Variants in FBXO46 observed in about 807,000 individuals in gnomAD.
FBXO46 encodes the protein F-box only protein 46.
FBXO46 carries 13 observed loss-of-function variants against 30.7 expected under a neutral mutation model. That is an observed-to-expected ratio of 0.42 (90% CI 0.28 to 0.67). FBXO46 has a LOEUF of 0.67. Ranked by LOEUF, FBXO46 falls within the 30% of genes least tolerant of loss-of-function variation. FBXO46 has a pLI of 0.21. For missense variants in FBXO46, 754 were observed against 871.5 expected (o/e 0.87, Z 1.70); for synonymous variants, 467 against 385.8 (o/e 1.21, Z -2.47).
intron 1 of FBXO46, among the ~76,000 whole-genome samples, chr19:45,725,643 A>C (rs1968229194): frequency 6.6e-6 from 1 of 152,040 alleles, no homozygotes; most frequent in African/African-American, 2.4e-5. Context: ...CTGAGGTGGG[A>C]GGATGGCTTG....
At position 45,711,578 on chromosome 19, in the gene FBXO46, C is replaced by T. The variant is rs1318152362; in HGVS notation, c.*106G>A. ...GCTCAGTTCCGGTGAGGGATCAATG[C>T]TGCCTGGAGTAGGGGAATGGGCAGG... is the stretch of plus-strand genomic sequence containing the variant. On this transcript the variant is annotated 3_prime_UTR_variant, in exon 2 of 2. Coordinates refer to ENST00000317683, the MANE Select transcript of FBXO46 (RefSeq NM_001080469.2). 1.1e-6 allele frequency: 1 copy of T among 884,904 alleles called. No individual in the cohort carries two copies. The allele number at this position is 884,904 out of a possible 1,614,324, so 54.8% of individuals were successfully genotyped here.
Position 45,712,648 on chromosome 19 carries a change from C to G in FBXO46, c.848G>C (p.Gly283Ala). Reference protein sequence around the residue: ...APDSGLPSGGGGRPGCAYPGS... With the variant: ...APDSGLPSGGAGRPGCAYPGS... ...AGGGTAGGCACAACCAGGCCTGCCC[C>G]CGCCCCCACTGGGCAGGCCGCTGTC... The change falls in exon 2 of 2, where the codon GGG (glycine) becomes GCG (alanine). Residue 283 changes from glycine (G) to alanine (A), a missense_variant. This residue lies in a region of FBXO46 where 454 missense variants were observed against 426.5 expected (regional missense o/e 1.06). Transcript: ENST00000317683. The surrounding 1 kb of genome is among the most constrained non-coding windows in gnomAD (Gnocchi z 8.8). 1 of 1,609,404 alleles carries G rather than the reference C, an allele frequency of 6.2e-7. No homozygotes were observed. Among genetic ancestry groups the G allele is most frequent in the Non-Finnish European group, 8.5e-7 (1 of 1,177,710 alleles).
At chr19:45,731,419 C>T (rs541185990), upstream of FBXO46, among the ~76,000 whole-genome samples, 1 of 151,338 alleles carries the variant, frequency 6.6e-6, no homozygotes, top group Non-Finnish European at 1.5e-5. Context: ...TGGGTTCAAG[C>T]GATTCTCCTG....
intron 1 of FBXO46, among the ~76,000 whole-genome samples, chr19:45,726,520 C>T (rs1430010067): frequency 6.6e-6 from 1 of 151,964 alleles, no homozygotes; most frequent in Non-Finnish European, 1.5e-5. Flanking sequence ...TAGAGGTGTA[C>T]ACCTGTAATC....
intron 1 of FBXO46, among the ~76,000 whole-genome samples, chr19:45,729,375 T>C (rs527945671): frequency 1.3e-5 from 2 of 152,270 alleles, no homozygotes; most frequent in East Asian, 3.9e-4. Context: ...AGGCTACAGT[T>C]AGCCATACCA....
chr19:45,726,077 C>T (rs1216289346), intron 1 of FBXO46, among the ~76,000 whole-genome samples: 1 of 152,116 alleles, frequency 6.6e-6, no homozygotes, highest in Non-Finnish European at 1.5e-5. Context: ...TGCAGTGGCT[C>T]ATGCCTGTAA....
chr19:45,731,910 G>T (rs1240684761), upstream of FBXO46, among the ~76,000 whole-genome samples: 1 of 151,792 alleles, frequency 6.6e-6, no homozygotes, highest in African/African-American at 2.4e-5. Context: ...AAGGTCAGGA[G>T]ATCAAGACCA....
In FBXO46 at chr19:45,712,103, G is replaced by T; in HGVS notation, c.1393C>A (p.Arg465=). Reference sequence around the variant, plus strand: ...ATGTACTGTCGCGGCTCCAGCAGCCGCTGAATCTTGAAGCGGATCTCTAGG... The same window carrying T: ...ATGTACTGTCGCGGCTCCAGCAGCCTCTGAATCTTGAAGCGGATCTCTAGG... ...DFLEIRFKIQ[R]LLEPRQYMLL... Residue 465 remains arginine, a synonymous_variant, in exon 2 of 2, where the codon CGG becomes AGG. Coordinates refer to ENST00000317683, the MANE Select transcript of FBXO46 (RefSeq NM_001080469.2). The surrounding 1 kb of genome is among the most constrained non-coding windows in gnomAD (Gnocchi z 8.8). 1 of 1,602,016 alleles carries T rather than the reference G, an allele frequency of 6.2e-7. No individual in the cohort carries two copies. Among genetic ancestry groups the T allele is most frequent in the Admixed American group, 1.7e-5 (1 of 57,848 alleles).
chr19:45,722,066 C>A (rs1968179704), intron 1 of FBXO46, among the ~76,000 whole-genome samples: 2 of 152,074 alleles, frequency 1.3e-5, no homozygotes, highest in Non-Finnish European at 2.9e-5. Flanking sequence ...TCAGATGATC[C>A]ACCCACTTCC....
rs1216361181 is a variant in FBXO46 at position 45,711,813 on chromosome 19, G to C, written c.1683C>G (p.Ser561=). 6.2e-7 allele frequency: 1 copy of C among 1,612,794 alleles called. No homozygotes were observed. Among genetic ancestry groups the C allele is most frequent in the South Asian group, 1.1e-5 (1 of 91,048 alleles). ...PYHHDLPYGR[S]YWMCCRRADR... ...CGGCTCGACGGCAGCACATCCAGTAGGAACGTCCGTAAGGCAGGTCATGGT... is the reference window on the plus strand; with the variant it reads ...CGGCTCGACGGCAGCACATCCAGTACGAACGTCCGTAAGGCAGGTCATGGT... Residue 561 remains serine (S), a synonymous_variant, in exon 2 of 2, where the codon TCC becomes TCG. Coordinates refer to ENST00000317683, the MANE Select transcript of FBXO46 (RefSeq NM_001080469.2).
chr19:45,728,442 C>T (rs1027765581), intron 1 of FBXO46, among the ~76,000 whole-genome samples: 3 of 152,220 alleles, frequency 2.0e-5, no homozygotes, highest in Non-Finnish European at 2.9e-5. Flanking sequence ...AGTAAGGGCT[C>T]ATAAAGTAAG....
At chr19:45,731,848 T>C (rs1968319743), upstream of FBXO46, among the ~76,000 whole-genome samples, 1 of 149,082 alleles carries the variant, frequency 6.7e-6, no homozygotes, top group Non-Finnish European at 1.5e-5. Flanking sequence ...CCGGGCGCGG[T>C]GGCTCACGCC....
At chr19:45,731,556 C>T (rs1373895063), upstream of FBXO46, among the ~76,000 whole-genome samples, 3 of 151,662 alleles carry the variant, frequency 2.0e-5, no homozygotes, top group African/African-American at 7.3e-5. Context: ...ACCTCATGAT[C>T]CACCCGCCTC....
chr19:45,731,402 C>T (rs1367829467), upstream of FBXO46, among the ~76,000 whole-genome samples: 4 of 151,396 alleles, frequency 2.6e-5, no homozygotes, highest in African/African-American at 7.3e-5. Flanking sequence ...CTGCAACCTC[C>T]GCCTCCTGGG....
intron 1 of FBXO46, among the ~76,000 whole-genome samples, chr19:45,726,231 C>T (rs1038199718): frequency 6.6e-6 from 1 of 151,762 alleles, no homozygotes; most frequent in Admixed American, 6.6e-5. Flanking sequence ...GTAGTCCCAG[C>T]TATACTCAGG....
In FBXO46 at chr19:45,711,151, A is replaced by T; in HGVS notation, c.*533T>A. The T allele has an allele frequency of 2.5e-6, 1 of 400,562 alleles. No homozygotes were observed. Among genetic ancestry groups the T allele is most frequent in the Non-Finnish European group, 4.8e-6 (1 of 207,724 alleles). The allele number at this position is 400,562 out of a possible 1,614,324, so 24.8% of individuals were successfully genotyped here. On this transcript the variant is annotated 3_prime_UTR_variant, in exon 2 of 2. Coordinates refer to ENST00000317683, the MANE Select transcript of FBXO46 (RefSeq NM_001080469.2). ...AAACCATCTAGAAATGGACTGTCAT[A>T]AAAAAATGCCAGATCCCACCTGTGA...
rs867970069 is a variant in FBXO46, at chr19:45,712,426, C to T, written c.1070G>A (p.Arg357Gln). ...TPPAPPPPPA[R>Q]DCGASGFHVD... The stretch of plus-strand genomic sequence containing the variant: ...GTGGAAGCCTGACGCTCCGCAGTCC[C>T]GGGCAGGGGGCGGAGGGGGCGCCGG... The change falls in exon 2 of 2, where the codon CGG becomes CAG. Residue 357 changes from arginine to glutamine, a missense_variant. Transcript: ENST00000317683. The surrounding 1 kb of genome is among the most constrained non-coding windows in gnomAD (Gnocchi z 8.8). 1.2e-6 allele frequency: 2 copies of T among 1,610,346 alleles called. No homozygotes were observed. The highest frequency in any genetic ancestry group is 1.7e-6 in the Non-Finnish European group (2 of 1,179,654).
chr19:45,730,711 A>C (rs1968297075), intron 1 of FBXO46, 138 bp downstream of exon 1: 1 of 142,874 alleles, frequency 7.0e-6, no homozygotes, highest in African/African-American at 2.7e-5. Context: ...TCCGGCTCCC[A>C]TTCCTCCCAG....
chr19:45,716,288 C>T (rs1968089918), intron 1 of FBXO46: 2 of 152,116 alleles, frequency 1.3e-5, no homozygotes, highest in Admixed American at 1.3e-4. Context: ...AACCAACTGC[C>T]CAGGGAGGCA....
Sources: gnomAD v4.1 joint callset for allele counts (sites outside exome capture counted in the v4.1 genomes callset) on GRCh38, gnomAD v4.1.1 for gene constraint, gnomAD v4.1.1 regional missense constraint, Gnocchi (gnomAD v3.1) non-coding constraint, MANE v1.5 for transcripts, NCBI Gene and HGNC (gene_info 2026-07-23, HGNC 2026-07-21) for gene names.